N4BP2: variants seen among roughly 807,000 people sequenced by gnomAD.
The protein encoded by N4BP2 is NEDD4-binding protein 2.
Under a neutral mutation model 152.8 loss-of-function variants are expected in N4BP2, and 91 were observed. That is an observed-to-expected ratio of 0.60 (90% CI 0.50 to 0.71). N4BP2 has a LOEUF of 0.71. Ranked by LOEUF, N4BP2 falls within the 30% of genes least tolerant of loss-of-function variation. N4BP2 has a pLI of 0.00. For missense variants in N4BP2, 1,923 were observed against 2,059.1 expected (o/e 0.93, Z 1.28); for synonymous variants, 646 against 705.3 (o/e 0.92, Z 1.33).
rs562064551 is a variant in N4BP2, at chr4:40,099,496, C to T, written c.229+1927C>T. ...AACTCCTGACCTCAGGTGATCCACA[C>T]GCCTCAGCCTCCCAAAATGCTAGGA... On this transcript the variant is annotated intron_variant, in intron 3 of 17. Coordinates refer to ENST00000261435, the MANE Select transcript of N4BP2 (RefSeq NM_018177.6). Among the ~76,000 whole-genome samples, 117 of 152,080 alleles carry T rather than the reference C, an allele frequency of 7.7e-4. 3 individuals are homozygous for T. In the South Asian group the frequency reaches 0.023, roughly 29 times the overall value.
intron 10 of N4BP2, among the ~76,000 whole-genome samples, chr4:40,123,923 GA>G (rs1351500858): frequency 6.6e-5 from 7 of 106,518 alleles, no homozygotes; most frequent in Non-Finnish European, 1.4e-4. Context: ...TTCATAACAA[GA>G]AATTTTTTTT....
chr4:40,160,408 T>G (rs1049416461), downstream of N4BP2, among the ~76,000 whole-genome samples: 2 of 152,210 alleles, frequency 1.3e-5, no homozygotes, highest in African/African-American at 4.8e-5. Flanking sequence ...ATTTTTCTTG[T>G]GCTGGTGATG....
At chr4:40,168,551 T>C in the N4BP2 span, among the ~76,000 whole-genome samples, 6 of 150,324 alleles carry the variant, frequency 4.0e-5, no homozygotes, top group African/African-American at 1.5e-4. Flanking sequence ...AAGATTGTTA[T>C]AAATATAAGG....
chr4:40,173,212 C>T, the N4BP2 span, among the ~76,000 whole-genome samples: 1 of 152,170 alleles, frequency 6.6e-6, no homozygotes, highest in Non-Finnish European at 1.5e-5. Context: ...GTTCTCCCAC[C>T]TCAGCAAATT....
At chr4:40,141,436 C>T (rs1212541024) in intron 14 of N4BP2, among the ~76,000 whole-genome samples, 3 of 151,792 alleles carry the variant, frequency 2.0e-5, no homozygotes, top group Admixed American at 6.6e-5. Context: ...AGGCGCTCCT[C>T]ACATCCCAGA....
chr4:40,097,159 G>A (rs897714165), intron 2 of N4BP2, 68 bp from the exon 3 acceptor site: 2 of 545,756 alleles, frequency 3.7e-6, no homozygotes, highest in African/African-American at 3.8e-5. Flanking sequence ...GCTAAATAAA[G>A]ATGTCATTCC....
At chr4:40,150,802 C>CT (rs1475344753) in intron 16 of N4BP2, among the ~76,000 whole-genome samples, 1 of 152,030 alleles carries the variant, frequency 6.6e-6, no homozygotes, top group Admixed American at 6.5e-5. Context: ...AATGTATAGA[C>CT]TTATTTCAAT....
intron 12 of N4BP2, 27 bp downstream of exon 12, chr4:40,126,357 A>C: frequency 8.7e-7 from 1 of 1,154,028 alleles, no homozygotes; most frequent in Non-Finnish European, 1.2e-6. Context: ...ATATTAAGCT[A>C]CTGTCTCTGA....
At chr4:40,065,163 T>C (rs1327629832) in intron 1 of N4BP2, among the ~76,000 whole-genome samples, 1 of 151,978 alleles carries the variant, frequency 6.6e-6, no homozygotes, top group African/African-American at 2.4e-5. Flanking sequence ...TACAGGTGGA[T>C]TAGAGTGGAA....
At chr4:40,070,306 T>C (rs17439873) in intron 1 of N4BP2, among the ~76,000 whole-genome samples, 27,170 of 152,198 alleles carry the variant, frequency 0.18, 3,157 homozygotes, top group Admixed American at 0.26. Context: ...AAGATTTAGA[T>C]TGATATTTGC....
At position 40,131,923 on chromosome 4, in the gene N4BP2, A is replaced by C; in HGVS notation, c.4646+4A>C. On this transcript the variant is annotated splice_donor_region_variant and intron_variant, in intron 13 of 17. Coordinates refer to ENST00000261435, the MANE Select transcript of N4BP2 (RefSeq NM_018177.6). ...TGGACATTTTCAAGGACCACAAGTG[A>C]GTGCTAGAAGGATTGTCTGTAGTTT... 1 of 1,512,358 alleles carries C rather than the reference A, an allele frequency of 6.6e-7. No homozygotes were observed. The highest frequency in any genetic ancestry group is 9.2e-7 in the Non-Finnish European group (1 of 1,087,906). 93.7% of individuals were successfully genotyped at this position (1,512,358 alleles called of 1,614,324 possible). A position where few individuals can be genotyped will look rare whatever the true frequency, so the allele number is the denominator to read the frequency against.
chr4:40,107,118 G>GTT, intron 5 of N4BP2, 94 bp downstream of exon 5: 1 of 1,361,254 alleles, frequency 7.3e-7, no homozygotes, highest in Non-Finnish European at 1.0e-6. Flanking sequence ...TTTGTTTTTT[G>GTT]AGACAGGGTC....
At chr4:40,158,846 G>A (rs1419778045), downstream of N4BP2, among the ~76,000 whole-genome samples, 1 of 151,982 alleles carries the variant, frequency 6.6e-6, no homozygotes, top group African/African-American at 2.4e-5. Flanking sequence ...TTATATTCGA[G>A]TCCAAAGCAG....
At position 40,121,351 on chromosome 4, in the gene N4BP2, A is replaced by C. The variant is rs767654565; in HGVS notation, c.3240A>C (p.Glu1080Asp). The C allele has an allele frequency of 3.1e-6, 5 of 1,613,952 alleles. No individual in the cohort carries two copies. Among genetic ancestry groups the C allele is most frequent in the Non-Finnish European group, 4.2e-6 (5 of 1,179,962 alleles). Residue 1080 changes from glutamate to aspartate, a missense_variant, in exon 9 of 18, where the codon GAA (glutamate) becomes GAC (aspartate). By Grantham distance (45) the Glu-to-Asp change is conservative. Transcript: ENST00000261435. The part of the protein sequence containing the change: ...VMYDKSTFVE[E>D]SELTSADESE... ...ATGATAAAAGCACGTTTGTTGAAGAAAGTGAGCTTACCAGTGCAGATGAAT... is the reference window on the plus strand; with the variant it reads ...ATGATAAAAGCACGTTTGTTGAAGACAGTGAGCTTACCAGTGCAGATGAAT...
At chr4:40,066,839 A>G (rs1711570357) in intron 1 of N4BP2, among the ~76,000 whole-genome samples, 1 of 151,412 alleles carries the variant, frequency 6.6e-6, no homozygotes, top group Non-Finnish European at 1.5e-5. Context: ...CCAAACTGAA[A>G]CTCTGTACCC....
chr4:40,142,574 T>C (rs1720121778), intron 14 of N4BP2, 99 bp from the exon 15 acceptor site: 2 of 737,710 alleles, frequency 2.7e-6, no homozygotes, highest in African/African-American at 3.6e-5. Context: ...GATGAAAATA[T>C]ACGACAGCCC....
At chr4:40,129,888 A>C (rs1286070480) in intron 12 of N4BP2, among the ~76,000 whole-genome samples, 6 of 152,184 alleles carry the variant, frequency 3.9e-5, no homozygotes, top group Non-Finnish European at 8.8e-5. Flanking sequence ...AGAATAATTA[A>C]TTTTAAGATG....
At chr4:40,083,187 C>CA in intron 2 of N4BP2, 1 of 154,576 alleles carries the variant, frequency 6.5e-6, no homozygotes, top group Admixed American at 6.4e-5. Flanking sequence ...TTGACAGTAA[C>CA]AGTGTTGGTG....
the N4BP2 span, among the ~76,000 whole-genome samples, chr4:40,171,502 T>C: frequency 6.6e-6 from 1 of 152,302 alleles, no homozygotes; most frequent in East Asian, 1.9e-4. Flanking sequence ...CTGGGTGTTA[T>C]GGCTTGAATT....
Sources: allele counts gnomAD v4.1 joint callset (sites outside exome capture counted in the v4.1 genomes callset), GRCh38; gene constraint gnomAD v4.1.1; transcripts MANE v1.5; gene names NCBI Gene and HGNC (gene_info 2026-07-23, HGNC 2026-07-21).